MYT1L: variants seen among roughly 807,000 people sequenced by gnomAD.
The protein encoded by MYT1L is myelin transcription factor 1 like, also known as myelin transcription factor 1-like protein.
MYT1L carries 12 observed loss-of-function variants against 126.7 expected under a neutral mutation model. The observed-to-expected ratio is 0.09, with a 90% CI of 0.06 to 0.15. The LOEUF (loss-of-function observed/expected upper bound fraction) is 0.15. Among genes scored for constraint, MYT1L ranks in the 10% least tolerant of loss-of-function variants. MYT1L has a pLI of 1.00. For synonymous variants in MYT1L, 541 were observed against 604.2 expected (o/e 0.90, Z 1.53); for missense variants, 979 against 1,585.2 (o/e 0.62, Z 6.49).
At chr2:2,120,809 ATCC>A (rs1209484267) in intron 3 of MYT1L, among the ~76,000 whole-genome samples, 1 of 151,848 alleles carries the variant, frequency 6.6e-6, no homozygotes, top group African/African-American at 2.4e-5. Context: ...TGTGTGTATT[ATCC>A]TCATCTCTGA....
rs1375538418 is a variant in MYT1L at position 2,184,863 on chromosome 2, G to T, written c.-420-11875C>A. ...TGAGGTTTCCAGCTACCCAGAAAGG[G>T]ACCCGCCAAGAGAGGCCGCAGCTCG... On this transcript the variant is annotated intron_variant, in intron 2 of 24. Coordinates refer to ENST00000647738, the MANE Select transcript of MYT1L (RefSeq NM_001303052.2). 2.6e-5 allele frequency among the ~76,000 whole-genome samples: 4 copies of T among 152,294 alleles called. No individual in the cohort carries two copies. In the East Asian group the frequency reaches 7.7e-4, roughly 29 times the overall value.
chr2:2,316,542 T>A (rs1263405863), intron 1 of MYT1L, among the ~76,000 whole-genome samples: 1 of 152,192 alleles, frequency 6.6e-6, no homozygotes, highest in African/African-American at 2.4e-5. Flanking sequence ...CTGGCCTACG[T>A]CCTGAGAAGT....
chr2:1,845,123 C>T (rs1314880423), intron 19 of MYT1L, among the ~76,000 whole-genome samples: 6 of 152,116 alleles, frequency 3.9e-5, no homozygotes, highest in African/African-American at 1.4e-4. Context: ...GGATTACAGA[C>T]TTGCACTACT....
chr2:2,134,422 T>C (rs1189094816), intron 3 of MYT1L, among the ~76,000 whole-genome samples: 2 of 152,228 alleles, frequency 1.3e-5, no homozygotes, highest in East Asian at 3.8e-4. Context: ...TGTGACTATG[T>C]ATGTCCCTTG....
intron 4 of MYT1L, among the ~76,000 whole-genome samples, chr2:2,031,260 G>A (rs1011870941): frequency 2.0e-5 from 3 of 152,226 alleles, no homozygotes; most frequent in African/African-American, 7.2e-5. Flanking sequence ...TTGCATGAAA[G>A]AGGGCTGGGA....
intron 1 of MYT1L, among the ~76,000 whole-genome samples, chr2:2,309,666 C>T (rs1011697515): frequency 6.0e-5 from 9 of 150,608 alleles, no homozygotes; most frequent in African/African-American, 2.2e-4. Context: ...TACTTCAGTA[C>T]ATTCTACTTC....
chr2:2,301,958 C>T (rs965456695), intron 1 of MYT1L, among the ~76,000 whole-genome samples: 3 of 151,842 alleles, frequency 2.0e-5, no homozygotes, highest in African/African-American at 7.3e-5. Flanking sequence ...GTGTCAGGCA[C>T]TAAGTTAGAG....
At chr2:2,120,846 C>T (rs2080892463) in intron 3 of MYT1L, among the ~76,000 whole-genome samples, 1 of 151,840 alleles carries the variant, frequency 6.6e-6, no homozygotes, top group African/African-American at 2.4e-5. Context: ...TCGCTCATAG[C>T]GACCACCGAA....
In MYT1L at chr2:2,059,746, G is replaced by T. The variant is rs2070143457; in HGVS notation, c.-303-5623C>A. On this transcript the variant is annotated intron_variant, in intron 3 of 24. Transcript: ENST00000647738. The surrounding 1 kb of genome is among the most constrained non-coding windows in gnomAD (Gnocchi z 4.7). ...AAAGAAAGAATAAGGAAAGGCCTCA[G>T]TACAGAGAAAAATTGTTCTATAGAT... Among the ~76,000 whole-genome samples the T allele has an allele frequency of 6.6e-6, 1 of 152,158 alleles. No individual in the cohort carries two copies.
At chr2:2,129,486 C>A (rs1575373753) in intron 3 of MYT1L, among the ~76,000 whole-genome samples, 1 of 152,198 alleles carries the variant, frequency 6.6e-6, no homozygotes, top group Non-Finnish European at 1.5e-5. Flanking sequence ...AAAGAAGGCA[C>A]TGCCCTAGAG....
At chr2:2,095,681 G>C (rs1043689427) in intron 3 of MYT1L, among the ~76,000 whole-genome samples, 2 of 152,012 alleles carry the variant, frequency 1.3e-5, no homozygotes, top group African/African-American at 4.8e-5. Flanking sequence ...TGCAATCTAT[G>C]GGCCAAAGGG....
intron 18 of MYT1L, among the ~76,000 whole-genome samples, chr2:1,873,934 T>G (rs569807474): frequency 3.3e-5 from 5 of 150,066 alleles, no homozygotes; most frequent in African/African-American, 1.2e-4. Context: ...TGGAGAGGGG[T>G]GGAGAGGGAT....
intron 8 of MYT1L, chr2:1,974,312 A>C (rs1024209308): frequency 6.6e-6 from 1 of 152,180 alleles, no homozygotes; most frequent in African/African-American, 2.4e-5. Flanking sequence ...GAATGGGCTG[A>C]GCCACGTGTG....
intron 1 of MYT1L, among the ~76,000 whole-genome samples, chr2:2,294,680 G>A (rs1460729740): frequency 6.6e-6 from 1 of 152,156 alleles, no homozygotes; most frequent in African/African-American, 2.4e-5. Context: ...GGGAGGCTGA[G>A]GGTATCTAAG....
intron 2 of MYT1L, among the ~76,000 whole-genome samples, chr2:2,278,165 A>C (rs1296042301): frequency 6.6e-6 from 1 of 152,224 alleles, no homozygotes; most frequent in Non-Finnish European, 1.5e-5. Flanking sequence ...TGTACGAGGC[A>C]CTAATGGGTG....
At chr2:1,800,405 G>C (rs921920420) in intron 23 of MYT1L, 2 of 152,304 alleles carry the variant, frequency 1.3e-5, no homozygotes, top group Non-Finnish European at 2.9e-5. Context: ...TACCAGGTCT[G>C]TGAGATCAAG....
chr2:2,040,983 C>T (rs1230366993), intron 4 of MYT1L, among the ~76,000 whole-genome samples: 1 of 152,120 alleles, frequency 6.6e-6, no homozygotes, highest in African/African-American at 2.4e-5. Context: ...AGAAACAGGA[C>T]AACTCATGGT....
chr2:1,997,855 C>T (rs1417705385), intron 4 of MYT1L, among the ~76,000 whole-genome samples: 2 of 152,180 alleles, frequency 1.3e-5, no homozygotes, highest in Admixed American at 1.3e-4. Context: ...ATTCATAGAA[C>T]TAAAAACCTT....
chr2:2,139,686 A>T (rs1194559771), intron 3 of MYT1L, among the ~76,000 whole-genome samples: 1 of 152,040 alleles, frequency 6.6e-6, no homozygotes, highest in Non-Finnish European at 1.5e-5. Context: ...GTGCATGTCC[A>T]GGCACCGGGA....
Sources: gnomAD v4.1 joint callset for allele counts (sites outside exome capture counted in the v4.1 genomes callset) on GRCh38, gnomAD v4.1.1 for gene constraint, Gnocchi (gnomAD v3.1) non-coding constraint, MANE v1.5 for transcripts, NCBI Gene and HGNC (gene_info 2026-07-23, HGNC 2026-07-21) for gene names.